The following TGM2 variants were observed in gnomAD, a reference collection of about 807,000 sequenced individuals.
TGM2 encodes protein-glutamine gamma-glutamyltransferase 2.
TGM2 carries 53 observed loss-of-function variants against 75.6 expected under a neutral mutation model. The ratio of observed to expected loss-of-function variants is 0.70; its 90% confidence interval spans 0.56 to 0.88. The LOEUF (loss-of-function observed/expected upper bound fraction) is 0.88. Among genes scored for constraint, TGM2 ranks in the 40% least tolerant of loss-of-function variants. The probability of loss-of-function intolerance (pLI) is 0.00; values close to 1 mark genes in which losing one functional copy is unlikely to be tolerated. For missense variants in TGM2, 842 were observed against 928.5 expected (o/e 0.91, Z 1.21); for synonymous variants, 374 against 381.1 (o/e 0.98, Z 0.22).
intron 7 of TGM2, among the ~76,000 whole-genome samples, chr20:38,141,631 C>T (rs145310655): frequency 1.5e-3 from 235 of 152,200 alleles, no homozygotes; most frequent in Non-Finnish European, 2.9e-3. Context: ...CCTTGCCCCT[C>T]TCAGTGGCCC....
intron 6 of TGM2, among the ~76,000 whole-genome samples, chr20:38,144,864 C>T (rs1490869864): frequency 1.3e-5 from 2 of 152,152 alleles, no homozygotes; most frequent in South Asian, 2.1e-4. Flanking sequence ...GAAGAGGCTG[C>T]GGGGACCAGA....
chr20:38,147,526 A>T (rs1350386478), intron 5 of TGM2, among the ~76,000 whole-genome samples: 1 of 152,074 alleles, frequency 6.6e-6, no homozygotes, highest in East Asian at 1.9e-4. Context: ...CTGGCCCTGC[A>T]GTCCAACGCT....
intron 11 of TGM2, among the ~76,000 whole-genome samples, chr20:38,131,577 T>C (rs191242341): frequency 2.6e-4 from 40 of 152,222 alleles, no homozygotes; most frequent in Admixed American, 1.7e-3. Flanking sequence ...TACTCCCCAC[T>C]CTGTACACCT....
chr20:38,166,196 G>A (rs929879440), upstream of TGM2, among the ~76,000 whole-genome samples: 3 of 137,598 alleles, frequency 2.2e-5, no homozygotes, highest in Non-Finnish European at 5.0e-5. Flanking sequence ...ACCCATCCTT[G>A]TATCTGTCTA....
intron 1 of TGM2, among the ~76,000 whole-genome samples, chr20:38,164,830 A>T (rs1424945055): frequency 6.6e-6 from 1 of 152,144 alleles, no homozygotes; most frequent in Non-Finnish European, 1.5e-5. Context: ...AGAACCACCC[A>T]AACCTAAGTG....
intron 10 of TGM2, chr20:38,137,801 G>T: frequency 2.5e-6 from 1 of 404,970 alleles, no homozygotes; most frequent in Non-Finnish European, 4.4e-6. Context: ...AAGATGAGGT[G>T]AAACCAAACA....
chr20:38,167,430 G>A (rs943322755), upstream of TGM2, among the ~76,000 whole-genome samples: 3 of 152,052 alleles, frequency 2.0e-5, no homozygotes, highest in Non-Finnish European at 2.9e-5. Context: ...TCCATCCCTC[G>A]GGCTCAAGCG....
intron 1 of TGM2, among the ~76,000 whole-genome samples, 160 bp from the exon 2 acceptor site, chr20:38,161,759 G>A (rs1334662389): frequency 1.3e-5 from 2 of 152,132 alleles, no homozygotes; most frequent in Non-Finnish European, 2.9e-5. Flanking sequence ...GGTCACACGG[G>A]GGCTAGGTGG....
chr20:38,154,766 C>G (rs2075162103), intron 3 of TGM2, among the ~76,000 whole-genome samples: 1 of 151,682 alleles, frequency 6.6e-6, no homozygotes, highest in Non-Finnish European at 1.5e-5. Context: ...AACCTCACCT[C>G]CGGGTTTCCC....
At chr20:38,147,356 C>T (rs1251209610) in intron 5 of TGM2, among the ~76,000 whole-genome samples, 3 of 152,136 alleles carry the variant, frequency 2.0e-5, no homozygotes, top group Non-Finnish European at 4.4e-5. Context: ...TCTGCACCCA[C>T]GGGCCCTGCT....
rs909352750 is a variant in TGM2, at chr20:38,128,660, T to C, written c.*1559A>G. 9 of 152,214 alleles carry C rather than the reference T, an allele frequency of 5.9e-5. No individual in the cohort carries two copies. Among genetic ancestry groups the C allele is most frequent in the Admixed American group, 5.9e-4 (9 of 15,270 alleles). 9.4% of individuals were successfully genotyped at this position (152,214 alleles called of 1,614,324 possible). A position where few individuals can be genotyped will look rare whatever the true frequency, so the allele number is the denominator to read the frequency against. ...GAAAGTTCTAAATGCAACAGCATGA[T>C]TCTCTCCAAGTCCTTCCCTGGGATT... is the stretch of plus-strand genomic sequence containing the variant. On this transcript the variant is annotated 3_prime_UTR_variant, in exon 13 of 13. Transcript: ENST00000361475.
chr20:38,137,376 T>C (rs532274172), intron 10 of TGM2, among the ~76,000 whole-genome samples: 11 of 151,994 alleles, frequency 7.2e-5, no homozygotes, highest in Admixed American at 5.9e-4. Context: ...TCCCAGCTAC[T>C]TGGGAGGCTG....
At chr20:38,135,038 G>A (rs2074881748) in intron 10 of TGM2, among the ~76,000 whole-genome samples, 1 of 152,200 alleles carries the variant, frequency 6.6e-6, no homozygotes, top group Non-Finnish European at 1.5e-5. Context: ...TCCCCAACAG[G>A]AGGGACCTGC....
At position 38,130,771 on chromosome 20, in the gene TGM2, A is replaced by G. The variant is rs547121185; in HGVS notation, c.1913+322T>C. ...TATGTGGAAACACCCACGCATGCAT[A>G]TGTGTGTGCATGCTCATGTGTGGAC... On this transcript the variant is annotated intron_variant, in intron 12 of 12. Coordinates refer to ENST00000361475, the MANE Select transcript of TGM2 (RefSeq NM_004613.4). Among the ~76,000 whole-genome samples the G allele has an allele frequency of 1.2e-3, 187 of 152,314 alleles. 1 individual carries two copies. The highest frequency in any genetic ancestry group is 4.2e-3 in the African/African-American group (173 of 41,556).
intron 6 of TGM2, among the ~76,000 whole-genome samples, chr20:38,143,634 C>T (rs1024342799): frequency 6.6e-6 from 1 of 152,056 alleles, no homozygotes; most frequent in Non-Finnish European, 1.5e-5. Context: ...CTGGGTGCTC[C>T]TGGCAGACGG....
intron 4 of TGM2, among the ~76,000 whole-genome samples, 158 bp downstream of exon 4, chr20:38,150,781 G>A (rs999193954): frequency 1.3e-5 from 2 of 152,190 alleles, no homozygotes; most frequent in African/African-American, 4.8e-5. Context: ...GGCCCTCTCT[G>A]AACCTTCAGC....
chr20:38,156,154 G>T (rs767188092), intron 2 of TGM2, 65 bp from the exon 3 acceptor site: 1 of 1,570,406 alleles, frequency 6.4e-7, no homozygotes, highest in Non-Finnish European at 8.6e-7. Flanking sequence ...GGGCACCTAC[G>T]TGGGGTCCCC....
chr20:38,144,448 C>T (rs2075019270), intron 6 of TGM2, among the ~76,000 whole-genome samples: 1 of 152,144 alleles, frequency 6.6e-6, no homozygotes. Context: ...CGGCAAACGT[C>T]GTCCATCAGT....
intron 3 of TGM2, among the ~76,000 whole-genome samples, chr20:38,154,266 A>C (rs1159669886): frequency 6.6e-6 from 1 of 152,236 alleles, no homozygotes; most frequent in Non-Finnish European, 1.5e-5. Flanking sequence ...AGAGAAGAAA[A>C]AAGATAAAGC....
Sources: allele counts gnomAD v4.1 joint callset (sites outside exome capture counted in the v4.1 genomes callset), GRCh38; gene constraint gnomAD v4.1.1; transcripts MANE v1.5; gene names NCBI Gene and HGNC (gene_info 2026-07-23, HGNC 2026-07-21).